Variants in INPP5K observed in about 807,000 individuals in gnomAD.
INPP5K encodes inositol polyphosphate-5-phosphatase K, also known as inositol polyphosphate 5-phosphatase K.
A neutral mutation model predicts 53.5 loss-of-function variants in INPP5K; 35 were observed. That is an observed-to-expected ratio of 0.65 (90% CI 0.50 to 0.87). The LOEUF (loss-of-function observed/expected upper bound fraction) is 0.87, where lower values mean the gene tolerates loss of function less well. INPP5K is among the 40% of genes least tolerant of loss of function. The pLI, the probability that INPP5K is intolerant of heterozygous loss-of-function variation, is 0.00. For missense variants in INPP5K, 550 were observed against 586.2 expected, an observed-to-expected ratio of 0.94 and a Z score of 0.64; for synonymous variants, 253 against 232.8, an observed-to-expected ratio of 1.09 and a Z score of -0.79.
rs2150994208 is a variant in INPP5K, at chr17:1,513,496, C to T, written c.218G>A (p.Ser73Asn). ...GGAAAGCACATCCATGAGGAAACTG[C>T]TCCACGAGTCATTAAAGGCAGCATC... ...LSDAAFNDSW[S>N]SFLMDVLSPL... Residue 73 changes from serine to asparagine, a missense_variant, in exon 3 of 12, where the codon AGC becomes AAC. Physicochemically the swap from Ser to Asn is conservative, Grantham distance 46 (BLOSUM62 1). Transcript: ENST00000421807. 3 of 1,614,234 alleles carry T rather than the reference C, an allele frequency of 1.9e-6. No individual in the cohort carries two copies. In the East Asian group the frequency reaches 6.7e-5, roughly 36 times the overall value.
intron 8 of INPP5K, 198 bp downstream of exon 8, chr17:1,497,738 G>T: frequency 1.8e-6 from 1 of 554,804 alleles, no homozygotes. Context: ...CAAAGGGTTT[G>T]AACACGGTTT....
Position 1,509,721 on chromosome 17 carries a change from A to T in INPP5K, c.340T>A (p.Ser114Thr), listed in dbSNP as rs1248229360. 1.2e-6 allele frequency: 2 copies of T among 1,613,510 alleles called. No individual in the cohort carries two copies. Among genetic ancestry groups the T allele is most frequent in the Non-Finnish European group, 8.5e-7 (1 of 1,179,538 alleles). ...AGGCCAGTGGGGGTGGATTTAGTAG[A>T]CAGAATCTGGATATAGGGCAAATGC... ...YQHLPYIQILSTKSTPTGLFG... is the reference protein window; with the variant it reads ...YQHLPYIQILTTKSTPTGLFG... The change falls in exon 4 of 12, where the codon TCT (serine) becomes ACT (threonine). Residue 114 changes from serine to threonine, a missense_variant. Ser to Thr is a moderately conservative substitution (Grantham distance 58). Transcript: ENST00000421807.
In INPP5K at chr17:1,509,133, GC is replaced by G; in HGVS notation, c.554+44del. The G allele has an allele frequency of 2.2e-6, 3 of 1,367,422 alleles. 1 individual carries two copies. Among genetic ancestry groups the G allele is most frequent in the Non-Finnish European group, 2.9e-6 (3 of 1,028,706 alleles). 84.7% of individuals were successfully genotyped at this position (1,367,422 alleles called of 1,614,324 possible). On this transcript the variant is annotated intron_variant, in intron 5 of 11. Coordinates refer to ENST00000421807, the MANE Select transcript of INPP5K (RefSeq NM_016532.4). ...CACTCGTGGGGGTTAGTGGGGGTTA[GC>G]GTGGGGCAGAGGGCGGGGAACGGTC...
intron 1 of INPP5K, chr17:1,515,536 T>C: frequency 1.0e-6 from 1 of 985,650 alleles, no homozygotes; most frequent in South Asian, 4.7e-5. Flanking sequence ...AGGAACAGCC[T>C]AGCATGAGTC....
Position 1,495,815 on chromosome 17 carries a change from A to G in INPP5K, c.*8T>C. ...TGGCCTCCGCCTGGGATTCACTCCC[A>G]TCCTGGCTCAGATCTGTGGCTGTGC... On this transcript the variant is annotated 3_prime_UTR_variant, in exon 12 of 12. Transcript: ENST00000421807. The G allele has an allele frequency of 1.2e-6, 2 of 1,610,400 alleles. No homozygotes were observed. Among genetic ancestry groups the G allele is most frequent in the Non-Finnish European group, 1.7e-6 (2 of 1,177,158 alleles).
At position 1,515,645 on chromosome 17, in the gene INPP5K, CTCCTCCAACAGACCCCG is replaced by C. The variant is rs2075416624; in HGVS notation, c.44+794_44+810del. On this transcript the variant is annotated intron_variant, in intron 1 of 11. Transcript: ENST00000421807. ...AAGGGCAGTTAATGCCAAAACATCT[CTCCTCCAACAGACCCCG>C]TCCTTAGAGGTCGACGTTCTCAAAA... The C allele has an allele frequency of 9.4e-6, 9 of 958,940 alleles. No individual in the cohort carries two copies. The South Asian group carries it at 4.3e-4, about 46-fold the overall frequency. 59.4% of individuals were successfully genotyped at this position (958,940 alleles called of 1,614,324 possible).
rs757371997 is a variant in INPP5K, at chr17:1,509,790, C to T, written c.271G>A (p.Val91Ile). 6.2e-7 allele frequency: 1 copy of T among 1,605,752 alleles called. No homozygotes were observed. The highest frequency in any genetic ancestry group is 1.1e-5 in the South Asian group (1 of 90,768). The change falls in exon 4 of 12, where the codon GTC becomes ATC. Residue 91 changes from valine to isoleucine, a missense_variant. Physicochemically the swap from Val to Ile is conservative, Grantham distance 29 (BLOSUM62 3). Transcript: ENST00000421807. ...AGTAAGAGGATCCCCTGCATACGGA[C>T]ATGGGAGACCTGCAGGAGAGAGAGG... ...SPLSFIKVSHVRMQGILLLVF... is the reference protein window; with the variant it reads ...SPLSFIKVSHIRMQGILLLVF...
rs569707291 is a variant in INPP5K at position 1,498,773 on chromosome 17, T to G, written c.777-651A>C. On this transcript the variant is annotated intron_variant, in intron 7 of 11. Coordinates refer to ENST00000421807, the MANE Select transcript of INPP5K (RefSeq NM_016532.4). Reference sequence around the variant, plus strand: ...CGTGGCACTATGCCTGGCTAATTTTTAAACATTTTTTTGTAAAGACAGTAT... The same window carrying G: ...CGTGGCACTATGCCTGGCTAATTTTGAAACATTTTTTTGTAAAGACAGTAT... Among the ~76,000 whole-genome samples, 5 of 152,242 alleles carry G rather than the reference T, an allele frequency of 3.3e-5. No individual in the cohort carries two copies. In the East Asian group the frequency reaches 9.7e-4, roughly 29 times the overall value.
intron 6 of INPP5K, chr17:1,507,583 CA>C (rs2075190211): frequency 6.4e-6 from 1 of 156,464 alleles, no homozygotes; most frequent in East Asian, 1.9e-4. Flanking sequence ...TTTTGTTGCC[CA>C]GGCTGGAGTG....
chr17:1,516,572 C>A lies in INPP5K; in HGVS notation c.-73G>T, dbSNP rs1347709461. The A allele has an allele frequency of 2.1e-5, 31 of 1,450,866 alleles. No individual in the cohort carries two copies. Among genetic ancestry groups the A allele is most frequent in the Non-Finnish European group, 2.7e-5 (30 of 1,110,090 alleles). The allele number at this position is 1,450,866 out of a possible 1,614,324, so 89.9% of individuals were successfully genotyped here. On this transcript the variant is annotated 5_prime_UTR_variant, in exon 1 of 12. Transcript: ENST00000421807. ...GCCAGCGGGTCCCGGCCAGAGCAGC[C>A]CTGCGGGCGGCCGGTCTCACGCGCC... is the stretch of plus-strand genomic sequence containing the variant.
chr17:1,509,006 G>T (rs1157685767), intron 5 of INPP5K, 172 bp downstream of exon 5: 25 of 546,378 alleles, frequency 4.6e-5, no homozygotes, highest in East Asian at 4.6e-4. Context: ...CACTCGTGGC[G>T]GTCAGCGTGG....
chr17:1,507,928 G>A (rs905740534), intron 6 of INPP5K, among the ~76,000 whole-genome samples, 187 bp downstream of exon 6: 6 of 152,016 alleles, frequency 3.9e-5, no homozygotes, highest in African/African-American at 1.4e-4. Flanking sequence ...TGTTACCCTG[G>A]CTTTTCCATG....
intron 6 of INPP5K, 28 bp downstream of exon 6, chr17:1,508,087 C>A: frequency 2.0e-6 from 3 of 1,506,822 alleles, no homozygotes; most frequent in Non-Finnish European, 2.8e-6. Context: ...CTCAGATCAC[C>A]CCCTGGGACC....
Position 1,496,718 on chromosome 17 carries a change from G to A in INPP5K, c.1049C>T (p.Ser350Phe), listed in dbSNP as rs1157586530. ...GCTGCTGGGGAAGTCCGAGGTTGAAGAGTAGCTGACCATCATGTCATTTTC... is the reference window on the plus strand; with the variant it reads ...GCTGCTGGGGAAGTCCGAGGTTGAAAAGTAGCTGACCATCATGTCATTTTC... ...TVENDMMVSY[S>F]STSDFPSSPW... Residue 350 changes from serine to phenylalanine, a missense_variant, in exon 9 of 12, where the codon TCT becomes TTT. Transcript: ENST00000421807. 3 of 1,614,224 alleles carry A rather than the reference G, an allele frequency of 1.9e-6. No homozygotes were observed. Among genetic ancestry groups the A allele is most frequent in the Non-Finnish European group, 2.5e-6 (3 of 1,180,038 alleles).
rs1161847854 is a variant in INPP5K at position 1,516,334 on chromosome 17, C to A, written c.44+122G>T. On this transcript the variant is annotated intron_variant, in intron 1 of 11. Transcript: ENST00000421807. Reference sequence around the variant, plus strand: ...CACCTGACACAGGCGTGGGAGAAGGCGAGAGCGCCTCTGAACCAAAGGCAG... The same window carrying A: ...CACCTGACACAGGCGTGGGAGAAGGAGAGAGCGCCTCTGAACCAAAGGCAG... 5 of 1,149,640 alleles carry A rather than the reference C, an allele frequency of 4.3e-6. No homozygotes were observed. In the African/African-American group the frequency reaches 4.9e-5, roughly 11 times the overall value. The allele number at this position is 1,149,640 out of a possible 1,614,324, so 71.2% of individuals were successfully genotyped here. A position where few individuals can be genotyped will look rare whatever the true frequency, so the allele number is the denominator to read the frequency against.
intron 6 of INPP5K, 94 bp downstream of exon 6, chr17:1,508,021 C>G (rs1237970395): frequency 1.1e-6 from 1 of 926,268 alleles, no homozygotes; most frequent in Non-Finnish European, 1.7e-6. Context: ...CAAAAGAAAA[C>G]AGCAGCGAGG....
chr17:1,496,243 A>G (rs1016122291), intron 10 of INPP5K, 76 bp downstream of exon 10: 2 of 1,496,114 alleles, frequency 1.3e-6, no homozygotes, highest in African/African-American at 2.8e-5. Context: ...GTTATTCAGC[A>G]CTCTGTTCCT....
At chr17:1,511,917 G>C (rs776702321) in intron 3 of INPP5K, among the ~76,000 whole-genome samples, 5 of 152,146 alleles carry the variant, frequency 3.3e-5, no homozygotes, top group Non-Finnish European at 7.3e-5. Flanking sequence ...TGGGAGAAAG[G>C]GTGGGGCTGT....
intron 7 of INPP5K, among the ~76,000 whole-genome samples, chr17:1,502,229 G>A (rs997806191): frequency 5.3e-5 from 8 of 150,582 alleles, no homozygotes; most frequent in African/African-American, 7.3e-5. Flanking sequence ...GGCGCCTGTA[G>A]TCCCAGCTAC....
Sources: allele counts gnomAD v4.1 joint callset (sites outside exome capture counted in the v4.1 genomes callset), GRCh38; gene constraint gnomAD v4.1.1; transcripts MANE v1.5; gene names NCBI Gene and HGNC (gene_info 2026-07-23, HGNC 2026-07-21).